PRR16: variants seen among roughly 807,000 people sequenced by gnomAD.
PRR16 encodes proline rich 16.
In PRR16, 6 loss-of-function variants were observed where a neutral mutation model predicts 18.2. The observed-to-expected ratio is 0.33, with a 90% CI of 0.18 to 0.65. The LOEUF (loss-of-function observed/expected upper bound fraction) is 0.65. PRR16 is among the 30% of genes least tolerant of loss of function. The probability of loss-of-function intolerance (pLI) is 0.74; values close to 1 mark genes in which losing one functional copy is unlikely to be tolerated. For missense variants in PRR16, 412 were observed against 376.6 expected (o/e 1.09, Z -0.78); for synonymous variants, 151 against 147.8 (o/e 1.02, Z -0.16).
intron 1 of PRR16, among the ~76,000 whole-genome samples, chr5:120,683,680 C>T (rs1471322996): frequency 2.0e-5 from 3 of 152,058 alleles, no homozygotes; most frequent in Non-Finnish European, 4.4e-5. Context: ...TTATTCCCAA[C>T]CTCAGGTTCA....
intron 1 of PRR16, among the ~76,000 whole-genome samples, chr5:120,475,805 C>G (rs537052262): frequency 6.6e-6 from 1 of 152,150 alleles, no homozygotes; most frequent in East Asian, 1.9e-4. Context: ...CTGGGCTATT[C>G]CATATAGATA....
At chr5:120,656,467 C>CAA (rs34228222) in intron 1 of PRR16, among the ~76,000 whole-genome samples, 100 of 93,420 alleles carry the variant, frequency 1.1e-3, no homozygotes, top group Admixed American at 1.4e-3. Flanking sequence ...TAATCACTCT[C>CAA]AAAAAAAAAA....
At chr5:120,487,221 T>C (rs1158375294) in intron 1 of PRR16, among the ~76,000 whole-genome samples, 1 of 152,244 alleles carries the variant, frequency 6.6e-6, no homozygotes, top group East Asian at 1.9e-4. Context: ...GCATTGAATC[T>C]ATAAATTACC....
chr5:120,510,184 C>G (rs925441922), intron 1 of PRR16, among the ~76,000 whole-genome samples: 3 of 152,150 alleles, frequency 2.0e-5, no homozygotes, highest in African/African-American at 7.2e-5. Flanking sequence ...GTGTTAATTT[C>G]TCAACTGTTA....
intron 1 of PRR16, among the ~76,000 whole-genome samples, chr5:120,535,868 C>T (rs1387547193): frequency 3.9e-5 from 6 of 151,938 alleles, no homozygotes; most frequent in Non-Finnish European, 8.8e-5. Context: ...TTTGGGAGGC[C>T]GAGACAAGAG....
chr5:120,673,852 G>A (rs1285360386), intron 1 of PRR16, among the ~76,000 whole-genome samples: 1 of 151,962 alleles, frequency 6.6e-6, no homozygotes, highest in Non-Finnish European at 1.5e-5. Flanking sequence ...CTACTCAGGA[G>A]GTTGAGGCAG....
chr5:120,768,469 AATTT>A, the PRR16 span, among the ~76,000 whole-genome samples: 5 of 151,716 alleles, frequency 3.3e-5, no homozygotes, highest in Admixed American at 1.3e-4. Context: ...ATATATATAG[AATTT>A]ATTGACTTTC....
At chr5:120,523,701 A>G (rs1751260735) in intron 1 of PRR16, among the ~76,000 whole-genome samples, 1 of 152,302 alleles carries the variant, frequency 6.6e-6, no homozygotes, top group Admixed American at 6.5e-5. Flanking sequence ...GCTTAAAATT[A>G]TATGTATATT....
At chr5:120,740,374 G>T in the PRR16 span, among the ~76,000 whole-genome samples, 4 of 148,534 alleles carry the variant, frequency 2.7e-5, no homozygotes, top group South Asian at 2.1e-4. Flanking sequence ...TTATGTTATG[G>T]CTAAAAAAGA....
At chr5:120,769,040 A>T in the PRR16 span, among the ~76,000 whole-genome samples, 1 of 151,772 alleles carries the variant, frequency 6.6e-6, no homozygotes, top group African/African-American at 2.4e-5. Flanking sequence ...AAAATAATAA[A>T]ATACTTCTCA....
chr5:120,719,511 CAGAG>C, the PRR16 span, among the ~76,000 whole-genome samples: 2 of 151,948 alleles, frequency 1.3e-5, no homozygotes, highest in African/African-American at 2.4e-5. Flanking sequence ...CGCAAAAGGA[CAGAG>C]AGATATGAGA....
chr5:120,539,566 A>G (rs539647212), intron 1 of PRR16, among the ~76,000 whole-genome samples: 1 of 152,250 alleles, frequency 6.6e-6, no homozygotes, highest in East Asian at 1.9e-4. Context: ...CGGGTATTAT[A>G]CTGATTACCA....
chr5:120,506,636 C>T (rs1232128229), intron 1 of PRR16, among the ~76,000 whole-genome samples: 1 of 152,098 alleles, frequency 6.6e-6, no homozygotes, highest in East Asian at 1.9e-4. Context: ...AGGGATACAG[C>T]AACAGGTCCA....
chr5:120,528,820 A>C (rs1040318864), intron 1 of PRR16, among the ~76,000 whole-genome samples: 1 of 152,178 alleles, frequency 6.6e-6, no homozygotes, highest in Middle Eastern at 3.2e-3. Context: ...GGGGATGGAC[A>C]TACTGATGAG....
At chr5:120,728,550 A>G in the PRR16 span, among the ~76,000 whole-genome samples, 3 of 152,098 alleles carry the variant, frequency 2.0e-5, no homozygotes, top group Admixed American at 1.3e-4. Flanking sequence ...TATTTTAGCA[A>G]TGAATATAAG....
At chr5:120,664,024 C>A (rs1383066521) in intron 1 of PRR16, among the ~76,000 whole-genome samples, 1 of 152,076 alleles carries the variant, frequency 6.6e-6, no homozygotes, top group Non-Finnish European at 1.5e-5. Context: ...TCTGGCCGGG[C>A]GCGGTGGCTC....
At chr5:120,655,674 CCATGCAATCACATGACT>C (rs1476201561) in intron 1 of PRR16, among the ~76,000 whole-genome samples, 1 of 151,450 alleles carries the variant, frequency 6.6e-6, no homozygotes, top group African/African-American at 2.4e-5. Flanking sequence ...TAAAATAAAA[CCATGCAATCACATGACT>C]CATGGTAATG....
intron 1 of PRR16, among the ~76,000 whole-genome samples, chr5:120,675,578 A>T (rs1181679609): frequency 1.3e-5 from 2 of 152,122 alleles, no homozygotes; most frequent in East Asian, 1.9e-4. Flanking sequence ...AAAATATCTG[A>T]TTAGATTTCA....
At chr5:120,776,583 T>G in the PRR16 span, among the ~76,000 whole-genome samples, 2 of 152,100 alleles carry the variant, frequency 1.3e-5, no homozygotes, top group African/African-American at 4.8e-5. Context: ...CCAAAATAGT[T>G]TGAGCAATTC....
Sources: gnomAD v4.1 joint callset for allele counts (sites outside exome capture counted in the v4.1 genomes callset) on GRCh38, gnomAD v4.1.1 for gene constraint, MANE v1.5 for transcripts, NCBI Gene and HGNC (gene_info 2026-07-23, HGNC 2026-07-21) for gene names.